MYT1L: variants seen among roughly 807,000 people sequenced by gnomAD.
MYT1L encodes the protein myelin transcription factor 1-like protein.
A neutral mutation model predicts 126.7 loss-of-function variants in MYT1L; 12 were observed. The observed-to-expected ratio is 0.09, with a 90% confidence interval of 0.06 to 0.15. The LOEUF (loss-of-function observed/expected upper bound fraction) is 0.15, where lower values mean the gene tolerates loss of function less well. Among genes scored for constraint, MYT1L ranks in the 10% least tolerant of loss-of-function variants. The probability of loss-of-function intolerance (pLI) is 1.00; values close to 1 mark genes in which losing one functional copy is unlikely to be tolerated. For synonymous variants in MYT1L, 541 were observed against 604.2 expected, an observed-to-expected ratio of 0.90 and a Z score of 1.53; for missense variants, 979 against 1,585.2, an observed-to-expected ratio of 0.62 and a Z score of 6.49.
intron 18 of MYT1L, among the ~76,000 whole-genome samples, chr2:1,863,123 T>C (rs920020016): frequency 6.6e-6 from 1 of 152,162 alleles, no homozygotes; most frequent in Non-Finnish European, 1.5e-5. Context: ...GCTCAATCCC[T>C]GCTCTGAACT....
At chr2:1,805,007 A>ACCTT (rs1428535612) in intron 22 of MYT1L, among the ~76,000 whole-genome samples, 1 of 152,178 alleles carries the variant, frequency 6.6e-6, no homozygotes. Context: ...CAAGGTGCCA[A>ACCTT]GGTGCTAAGA....
intron 8 of MYT1L, among the ~76,000 whole-genome samples, chr2:1,953,407 T>A (rs1258783635): frequency 6.6e-6 from 1 of 152,354 alleles, no homozygotes; most frequent in African/African-American, 2.4e-5. Flanking sequence ...CATTTATGAT[T>A]CTTCTTGCTG....
chr2:1,876,482 T>C (rs1302053770), intron 18 of MYT1L, among the ~76,000 whole-genome samples: 1 of 151,716 alleles, frequency 6.6e-6, no homozygotes, highest in Non-Finnish European at 1.5e-5. Context: ...GCAGGGACCC[T>C]GACCCCCCCG....
rs554347698 is a variant in MYT1L at position 2,314,057 on chromosome 2, T to C, written c.-521+16910A>G. 3.3e-5 allele frequency among the ~76,000 whole-genome samples: 5 copies of C among 152,366 alleles called. No homozygotes were observed. The East Asian group carries it at 9.6e-4, about 29-fold the overall frequency. On this transcript the variant is annotated intron_variant, in intron 1 of 24. Transcript: ENST00000647738. ...TTTAGCTGTTTTATGACAGTTCTTATAGTTATTTTTGCGTACCATGAGATC... is the reference window on the plus strand; with the variant it reads ...TTTAGCTGTTTTATGACAGTTCTTACAGTTATTTTTGCGTACCATGAGATC...
rs147255721 is a variant in MYT1L, at chr2:2,177,141, C to T, written c.-420-4153G>A. On this transcript the variant is annotated intron_variant, in intron 2 of 24. Transcript: ENST00000647738. Reference sequence around the variant, plus strand: ...CGATGTCGTCAACAGGACTGTCACACAGGTTTGCGTGGATGTAAATGGAAC... The same window carrying T: ...CGATGTCGTCAACAGGACTGTCACATAGGTTTGCGTGGATGTAAATGGAAC... Among the ~76,000 whole-genome samples, 146 of 152,310 alleles carry T rather than the reference C, an allele frequency of 9.6e-4. 1 individual carries two copies. Among genetic ancestry groups the T allele is most frequent in the Middle Eastern group, 3.4e-3 (1 of 294 alleles).
chr2:2,280,700 C>T (rs1034296604), intron 2 of MYT1L, among the ~76,000 whole-genome samples: 1 of 152,256 alleles, frequency 6.6e-6, no homozygotes, highest in South Asian at 2.1e-4. Context: ...CACGCGCGTG[C>T]AGCATTGCAG....
chr2:1,791,850 A>C lies in MYT1L; in HGVS notation c.*17T>G. 1 of 1,539,910 alleles carries C rather than the reference A, an allele frequency of 6.5e-7. No individual in the cohort carries two copies. Among genetic ancestry groups the C allele is most frequent in the Non-Finnish European group, 8.7e-7 (1 of 1,148,974 alleles). On this transcript the variant is annotated 3_prime_UTR_variant, in exon 25 of 25. Transcript: ENST00000647738. This position sits in a 1 kb window ranked among gnomAD's most constrained non-coding sequence, Gnocchi z 6.0. ...GGCATCCTTTTTAAGCAAGAGTTTC[A>C]TCACTACAGCAGCTGTTCAGACCTG...
Position 1,887,374 on chromosome 2 carries a change from G to A in MYT1L, c.2642+114C>T, listed in dbSNP as rs908023260. On this transcript the variant is annotated intron_variant, in intron 17 of 24. Coordinates refer to ENST00000647738, the MANE Select transcript of MYT1L (RefSeq NM_001303052.2). The surrounding 1 kb of genome is among the most constrained non-coding windows in gnomAD (Gnocchi z 4.8). ...ACCCAGCAGTCGGAAACATTTATAT[G>A]CTGCGAATGTCGCATGCTCAAACGG... 8 of 1,373,998 alleles carry A rather than the reference G, an allele frequency of 5.8e-6. No homozygotes were observed. The highest frequency in any genetic ancestry group is 8.2e-6 in the Non-Finnish European group (8 of 981,182). 85.1% of individuals were successfully genotyped at this position (1,373,998 alleles called of 1,614,324 possible).
At chr2:1,939,489 C>G (rs2056395038) in intron 9 of MYT1L, among the ~76,000 whole-genome samples, 1 of 152,210 alleles carries the variant, frequency 6.6e-6, no homozygotes, top group African/African-American at 2.4e-5. Context: ...CGTACTTACG[C>G]TGCACATCTC....
chr2:1,867,939 C>T (rs2148682000), intron 18 of MYT1L, among the ~76,000 whole-genome samples: 1 of 151,914 alleles, frequency 6.6e-6, no homozygotes, highest in Admixed American at 6.6e-5. Flanking sequence ...TTTAGTAAAC[C>T]TTCAATGGGA....
At chr2:2,003,718 G>A (rs1051330422) in intron 4 of MYT1L, among the ~76,000 whole-genome samples, 18 of 152,126 alleles carry the variant, frequency 1.2e-4, no homozygotes, top group Non-Finnish European at 2.1e-4. Context: ...GGGTGCTTAG[G>A]GCTGCCGAGC....
At chr2:2,230,876 T>C (rs1283542348) in intron 2 of MYT1L, among the ~76,000 whole-genome samples, 1 of 152,060 alleles carries the variant, frequency 6.6e-6, no homozygotes, top group Non-Finnish European at 1.5e-5. Context: ...GTCTTTACAT[T>C]TCTATGGTGG....
At chr2:2,037,063 G>T (rs116474708) in intron 4 of MYT1L, among the ~76,000 whole-genome samples, 1 of 152,230 alleles carries the variant, frequency 6.6e-6, no homozygotes, top group African/African-American at 2.4e-5. Context: ...TAGTCCCCCC[G>T]CTTAGGGCTG....
chr2:2,121,009 G>A (rs1463438892), intron 3 of MYT1L, among the ~76,000 whole-genome samples: 2 of 152,154 alleles, frequency 1.3e-5, no homozygotes, highest in African/African-American at 2.4e-5. Flanking sequence ...GGAGGCCGGC[G>A]CGGAGGAACC....
At chr2:1,936,899 C>T (rs2055965179) in intron 9 of MYT1L, among the ~76,000 whole-genome samples, 3 of 152,142 alleles carry the variant, frequency 2.0e-5, no homozygotes, top group African/African-American at 7.2e-5. Context: ...CAACTTGGGG[C>T]TAGCACCTCA....
intron 4 of MYT1L, among the ~76,000 whole-genome samples, chr2:2,025,791 A>ACC (rs147971299): frequency 2.1e-4 from 32 of 152,250 alleles, no homozygotes; most frequent in African/African-American, 7.2e-4. Context: ...CATTCCTGTC[A>ACC]CCCCCAGCTC....
chr2:2,317,848 C>T (rs2149665811), intron 1 of MYT1L, among the ~76,000 whole-genome samples: 1 of 152,192 alleles, frequency 6.6e-6, no homozygotes, highest in Non-Finnish European at 1.5e-5. Flanking sequence ...ATCCTCCTGA[C>T]CGTGCCCTTA....
intron 21 of MYT1L, among the ~76,000 whole-genome samples, chr2:1,818,319 C>T (rs1367410870): frequency 6.6e-6 from 1 of 152,170 alleles, no homozygotes; most frequent in Non-Finnish European, 1.5e-5. Flanking sequence ...AGAGCCCAGC[C>T]AGGTGCTGTC....
At chr2:1,836,780 G>C (rs2040964210) in intron 21 of MYT1L, among the ~76,000 whole-genome samples, 1 of 150,388 alleles carries the variant, frequency 6.6e-6, no homozygotes, top group Non-Finnish European at 1.5e-5. Flanking sequence ...CCATCAGCCT[G>C]CACCCCAAGA....
Sources: allele counts gnomAD v4.1 joint callset (sites outside exome capture counted in the v4.1 genomes callset), GRCh38; gene constraint gnomAD v4.1.1; non-coding constraint Gnocchi (gnomAD v3.1); transcripts MANE v1.5; gene names NCBI Gene and HGNC (gene_info 2026-07-23, HGNC 2026-07-21).